The following SEC31A variants were observed in gnomAD, a reference collection of about 807,000 sequenced individuals.
The protein encoded by SEC31A is SEC31 homolog A, COPII component.
SEC31A carries 70 observed loss-of-function variants against 151.0 expected under a neutral mutation model. The observed-to-expected ratio is 0.46, with a 90% CI of 0.38 to 0.57. The LOEUF (loss-of-function observed/expected upper bound fraction) is 0.57. Among genes scored for constraint, SEC31A ranks in the 20% least tolerant of loss-of-function variants. The pLI is 0.00. For missense variants in SEC31A, 1,330 were observed against 1,471.2 expected (o/e 0.90, Z 1.57); for synonymous variants, 475 against 505.9 (o/e 0.94, Z 0.82).
chr4:82,826,602 C>T (rs973647615), intron 24 of SEC31A, among the ~76,000 whole-genome samples: 12 of 152,242 alleles, frequency 7.9e-5, no homozygotes, highest in African/African-American at 2.7e-4. Context: ...ATCCACCCGC[C>T]TCGGCTTCCC....
At chr4:82,847,566 G>A (rs1730510177) in intron 20 of SEC31A, among the ~76,000 whole-genome samples, 1 of 152,104 alleles carries the variant, frequency 6.6e-6, no homozygotes, top group Admixed American at 6.6e-5. Flanking sequence ...AAGACGCTTG[G>A]GAGTTCTAAT....
chr4:82,834,827 TCTC>T (rs1041724395), intron 22 of SEC31A, among the ~76,000 whole-genome samples: 2 of 152,134 alleles, frequency 1.3e-5, no homozygotes. Context: ...AAAAAAAACT[TCTC>T]CTACTCAAGG....
chr4:82,829,048 A>G lies in SEC31A; in HGVS notation c.2979T>C (p.Asn993=). 6.2e-7 allele frequency: 1 copy of G among 1,613,222 alleles called. No homozygotes were observed. Among genetic ancestry groups the G allele is most frequent in the Non-Finnish European group, 8.5e-7 (1 of 1,179,212 alleles). ...LPASQRTGPQ[N]GWNDPPALNR... Reference sequence around the variant, plus strand: ...TCAAAGCTGGAGGGTCATTCCAACCATTCTGAGGACCTATAACAGATAACA... The same window carrying G: ...TCAAAGCTGGAGGGTCATTCCAACCGTTCTGAGGACCTATAACAGATAACA... The change falls in exon 23 of 27, where the codon AAT becomes AAC. Residue 993 remains asparagine, a synonymous_variant. Transcript: ENST00000395310.
In SEC31A at chr4:82,888,366, A is replaced by AC. The variant is rs1158678324; in HGVS notation, c.-5+2721_-5+2722insG. On this transcript the variant is annotated intron_variant, in intron 1 of 26. Transcript: ENST00000395310. ...ACTCCGTCTCAAAAAAAAAAAAAAA[A>AC]AAAAAAACACACAAAAAACATATAT... Among the ~76,000 whole-genome samples, 61 of 41,858 alleles carry AC rather than the reference A, an allele frequency of 1.5e-3. 1 individual carries two copies. The highest frequency in any genetic ancestry group is 4.2e-3 in the African/African-American group (58 of 13,758). 27.5% of individuals were successfully genotyped at this position (41,858 alleles called of 152,430 possible). A position where few individuals can be genotyped will look rare whatever the true frequency, so the allele number is the denominator to read the frequency against.
At chr4:82,841,465 T>TATATATATATAC (rs200595591) in intron 22 of SEC31A, among the ~76,000 whole-genome samples, 3 of 103,204 alleles carry the variant, frequency 2.9e-5, no homozygotes, top group African/African-American at 1.1e-4. Flanking sequence ...TATATATATA[T>TATATATATATAC]ATACACACAC....
At position 82,846,935 on chromosome 4, in the gene SEC31A, G is replaced by A. The variant is rs138276803; in HGVS notation, c.2502+1869C>T. Among the ~76,000 whole-genome samples, 32 of 152,210 alleles carry A rather than the reference G, an allele frequency of 2.1e-4. No individual in the cohort carries two copies. In the East Asian group the frequency reaches 4.8e-3, roughly 23 times the overall value. On this transcript the variant is annotated intron_variant, in intron 20 of 26. Coordinates refer to ENST00000395310, the MANE Select transcript of SEC31A (RefSeq NM_001077207.4). ...TCATCATGTTGGCCAGGCTGGTCTC[G>A]AACTCCTGACCTCAGGGGATTCACC...
At position 82,842,297 on chromosome 4, in the gene SEC31A, G is replaced by A. The variant is rs771889322; in HGVS notation, c.2811C>T (p.Ser937=). ...GAGGAGGGAAAGAAGTAGCAGGGCT[G>A]GAGGTAGGTGAAGAGGCCTGGTGCT... is the stretch of plus-strand genomic sequence containing the variant. The part of the protein sequence containing the change: ...AAQHQASSPT[S]SPATSFPPPP... Residue 937 remains serine, a synonymous_variant, in exon 22 of 27, where the codon TCC becomes TCT. Transcript: ENST00000395310. 1.9e-6 allele frequency: 3 copies of A among 1,613,714 alleles called. No individual in the cohort carries two copies. The highest frequency in any genetic ancestry group is 2.5e-6 in the Non-Finnish European group (3 of 1,179,834).
intron 2 of SEC31A, 34 bp downstream of exon 2, chr4:82,881,824 G>T (rs1739419809): frequency 6.6e-7 from 1 of 1,508,420 alleles, no homozygotes; most frequent in African/African-American, 1.4e-5. Flanking sequence ...AAGAAATTAG[G>T]TAACTCATAC....
At chr4:82,873,488 G>A (rs12642746) in intron 6 of SEC31A, among the ~76,000 whole-genome samples, 42,066 of 151,832 alleles carry the variant, frequency 0.28, 6,870 homozygotes, top group East Asian at 0.49. Context: ...TTTTCATATG[G>A]AATAAATTAA....
At chr4:82,869,227 C>T (rs1385136342) in intron 8 of SEC31A, among the ~76,000 whole-genome samples, 1 of 151,960 alleles carries the variant, frequency 6.6e-6, no homozygotes, top group East Asian at 1.9e-4. Context: ...TCATCCCATT[C>T]TCCTGCCTCA....
At chr4:82,868,200 G>A (rs1404030027) in intron 8 of SEC31A, among the ~76,000 whole-genome samples, 1 of 152,084 alleles carries the variant, frequency 6.6e-6, no homozygotes, top group East Asian at 1.9e-4. Context: ...AAGAACTATA[G>A]AAAATGACCT....
intron 20 of SEC31A, 88 bp downstream of exon 20, chr4:82,848,716 G>T (rs764194501): frequency 2.0e-5 from 22 of 1,122,764 alleles, no homozygotes; most frequent in Middle Eastern, 2.1e-4. Context: ...TACCATATCA[G>T]AGAAGGTCTC....
chr4:82,825,421 C>A (rs1306679900), intron 24 of SEC31A, among the ~76,000 whole-genome samples: 1 of 151,996 alleles, frequency 6.6e-6, no homozygotes, highest in Non-Finnish European at 1.5e-5. Context: ...GTAGTGGAAA[C>A]AAAAGATGCT....
chr4:82,856,300 A>G (rs7692857), intron 16 of SEC31A, among the ~76,000 whole-genome samples: 151,236 of 151,688 alleles, frequency 1, 75,392 homozygotes, highest in Middle Eastern at 1. Context: ...ACAGGTGCCC[A>G]CCACCACATC....
rs1376422893 is a variant in SEC31A at position 82,890,981 on chromosome 4, C to G, written c.-5+107G>C. 4 of 1,493,608 alleles carry G rather than the reference C, an allele frequency of 2.7e-6. No individual in the cohort carries two copies. In the Admixed American group the frequency reaches 8.4e-5, roughly 31 times the overall value. 92.5% of individuals were successfully genotyped at this position (1,493,608 alleles called of 1,614,324 possible). On this transcript the variant is annotated intron_variant, in intron 1 of 26. Transcript: ENST00000395310. ...CCGTCACCAGAGACCGGGCCTCAGG[C>G]TGGTGCGGGGCAGCGGAGACCCAGG...
chr4:82,861,627 G>A lies in SEC31A; in HGVS notation c.1626+4C>T. 2 of 1,587,216 alleles carry A rather than the reference G, an allele frequency of 1.3e-6. No individual in the cohort carries two copies. Among genetic ancestry groups the A allele is most frequent in the Non-Finnish European group, 1.7e-6 (2 of 1,160,224 alleles). ...CCAATATAATATGAAAAAAAAATAA[G>A]TACCTCTCCCAAGAGCTGCTCTTCA... On this transcript the variant is annotated splice_donor_region_variant and intron_variant, in intron 14 of 26. Coordinates refer to ENST00000395310, the MANE Select transcript of SEC31A (RefSeq NM_001077207.4).
At chr4:82,820,391 T>C (rs1723076661) in intron 26 of SEC31A, among the ~76,000 whole-genome samples, 1 of 152,132 alleles carries the variant, frequency 6.6e-6, no homozygotes, top group Non-Finnish European at 1.5e-5. Context: ...GTGTGGGGAA[T>C]GGGTTAGAGG....
At chr4:82,877,284 C>T (rs965074658) in intron 4 of SEC31A, among the ~76,000 whole-genome samples, 1 of 151,720 alleles carries the variant, frequency 6.6e-6, no homozygotes, top group Non-Finnish European at 1.5e-5. Flanking sequence ...TATTGCTATA[C>T]CCTAAGTATC....
chr4:82,867,572 C>G (rs1473018130), intron 8 of SEC31A, among the ~76,000 whole-genome samples: 1 of 152,108 alleles, frequency 6.6e-6, no homozygotes, highest in African/African-American at 2.4e-5. Context: ...AAAACTGAGG[C>G]TTTTCTGTGT....
Sources: gnomAD v4.1 joint callset for allele counts (sites outside exome capture counted in the v4.1 genomes callset) on GRCh38, gnomAD v4.1.1 for gene constraint, MANE v1.5 for transcripts, NCBI Gene and HGNC (gene_info 2026-07-23, HGNC 2026-07-21) for gene names.